Variants in SCIN observed in about 807,000 individuals in gnomAD.
SCIN encodes the protein scinderin, also known as adseverin.
Under a neutral mutation model 91.8 loss-of-function variants are expected in SCIN, and 91 were observed. That is an observed-to-expected ratio of 0.99 (90% CI 0.84 to 1.18). The LOEUF is 1.18. Among genes scored for constraint, SCIN ranks in the 50% most tolerant of loss-of-function variants. The pLI is 0.00. For synonymous variants in SCIN, 367 were observed against 312.6 expected (o/e 1.17, Z -1.84); for missense variants, 1,087 against 863.9 (o/e 1.26, Z -3.24).
In SCIN at chr7:12,652,895, G is replaced by T; in HGVS notation, c.*180G>T. 3.1e-6 allele frequency: 2 copies of T among 652,378 alleles called. No individual in the cohort carries two copies. Among genetic ancestry groups the T allele is most frequent in the Non-Finnish European group, 2.5e-6 (1 of 407,966 alleles). 40.4% of individuals were successfully genotyped at this position (652,378 alleles called of 1,614,324 possible). A position where few individuals can be genotyped will look rare whatever the true frequency, so the allele number is the denominator to read the frequency against. On this transcript the variant is annotated 3_prime_UTR_variant, in exon 16 of 16. Coordinates refer to ENST00000297029, the MANE Select transcript of SCIN (RefSeq NM_001112706.3). Reference sequence around the variant, plus strand: ...GAGGTAGGCGGATCACTGGGGTCAGGATTTCGAGACCAGCCTGGCCAACAT... The same window carrying T: ...GAGGTAGGCGGATCACTGGGGTCAGTATTTCGAGACCAGCCTGGCCAACAT...
rs1270496078 is a variant in SCIN, at chr7:12,626,707, A to C, written c.1105A>C (p.Lys369Gln). 8 of 1,600,256 alleles carry C rather than the reference A, an allele frequency of 5.0e-6. No individual in the cohort carries two copies. In the South Asian group the frequency reaches 9.1e-5, roughly 18 times the overall value. Residue 369 changes from lysine (K) to glutamine (Q), a missense_variant, in exon 8 of 16, where the codon AAA (lysine) becomes CAA (glutamine). Lys to Gln is a moderately conservative substitution (Grantham distance 53). Transcript: ENST00000297029. ...VYVTEKVAQI[K>Q]QIPFDASKLH... is the part of the protein sequence containing the mutation. ...TGTCACAGAGAAAGTGGCTCAAATA[A>C]AACAAATTCCCTTTGATGCCTCAAA...
At position 12,590,318 on chromosome 7, in the gene SCIN, C is replaced by G. The variant is rs1281095537; in HGVS notation, c.516+9097C>G. On this transcript the variant is annotated intron_variant, in intron 3 of 15. Coordinates refer to ENST00000297029, the MANE Select transcript of SCIN (RefSeq NM_001112706.3). ...TTGCCAGTCCTCCCCTGGGAGTGTT[C>G]CTCTGAGGGGATGTGTAGGGATGGA... Among the ~76,000 whole-genome samples the G allele has an allele frequency of 2.0e-5, 3 of 152,060 alleles. No individual in the cohort carries two copies. In the East Asian group the frequency reaches 5.8e-4, roughly 29 times the overall value.
rs1270880860 is a variant in SCIN, at chr7:12,655,870, C to T, written c.*3155C>T. The T allele has an allele frequency of 5.3e-5, 8 of 152,048 alleles. No individual in the cohort carries two copies. Among genetic ancestry groups the T allele is most frequent in the African/African-American group, 1.9e-4 (8 of 41,428 alleles). The allele number at this position is 152,048 out of a possible 1,614,324, so 9.4% of individuals were successfully genotyped here. A position where few individuals can be genotyped will look rare whatever the true frequency, so the allele number is the denominator to read the frequency against. The stretch of plus-strand genomic sequence containing the variant: ...TTGGCATATTTATCTAATATTTAAT[C>T]AGAAGAAAGAAAGAACAGAAAGACC... On this transcript the variant is annotated 3_prime_UTR_variant, in exon 16 of 16. Coordinates refer to ENST00000297029, the MANE Select transcript of SCIN (RefSeq NM_001112706.3).
chr7:12,592,139 A>G (rs1782736915), intron 3 of SCIN, among the ~76,000 whole-genome samples: 1 of 152,120 alleles, frequency 6.6e-6, no homozygotes, highest in South Asian at 2.1e-4. Flanking sequence ...GGTGAAAGCA[A>G]ATAGGTTTTG....
chr7:12,578,334 T>C, intron 2 of SCIN, 116 bp downstream of exon 2: 1 of 947,700 alleles, frequency 1.1e-6, no homozygotes, highest in African/African-American at 1.7e-5. Flanking sequence ...TTATTTGCTT[T>C]TGTTTTAATC....
chr7:12,636,270 C>A, intron 10 of SCIN, 135 bp downstream of exon 10: 1 of 627,650 alleles, frequency 1.6e-6, no homozygotes, highest in Non-Finnish European at 2.8e-6. Context: ...TTTTGAAATT[C>A]AAATATTCCT....
intron 9 of SCIN, among the ~76,000 whole-genome samples, 160 bp from the exon 10 acceptor site, chr7:12,635,885 A>G (rs1783740957): frequency 6.6e-6 from 1 of 152,216 alleles, no homozygotes; most frequent in Non-Finnish European, 1.5e-5. Context: ...ATTAAATGTT[A>G]GATACCTTGA....
At chr7:12,613,104 G>A (rs1238636400) in intron 4 of SCIN, among the ~76,000 whole-genome samples, 1 of 152,086 alleles carries the variant, frequency 6.6e-6, no homozygotes, top group African/African-American at 2.4e-5. Flanking sequence ...CCCACAAGAC[G>A]TATATCTGAA....
rs1459133754 is a variant in SCIN at position 12,652,714 on chromosome 7, A to G, written c.2147A>G (p.Ter716=). The G allele has an allele frequency of 6.2e-7, 1 of 1,602,478 alleles. No individual in the cohort carries two copies. The highest frequency in any genetic ancestry group is 1.4e-5 in the African/African-American group (1 of 73,716). ...CTGGGCTGGGATTCCAGCAAGTGGT[A>G]AATTGGTATTTGTAAAAAGCAAACA... ...WFLGWDSSKW[*] Residue 716 remains the stop codon, a stop_retained_variant, in exon 16 of 16, where the codon TAA becomes TGA. Transcript: ENST00000297029.
intron 10 of SCIN, among the ~76,000 whole-genome samples, chr7:12,639,043 C>G (rs1783806891): frequency 6.6e-6 from 1 of 152,134 alleles, no homozygotes; most frequent in Admixed American, 6.6e-5. Context: ...TTAGTTTAAT[C>G]ACTAGATGGC....
chr7:12,573,996 A>G (rs1782320227), intron 1 of SCIN, among the ~76,000 whole-genome samples: 1 of 152,184 alleles, frequency 6.6e-6, no homozygotes, highest in Admixed American at 6.5e-5. Flanking sequence ...GTAGTTTCTT[A>G]CAAAACCAAA....
At chr7:12,648,845 G>C (rs904395741) in intron 13 of SCIN, among the ~76,000 whole-genome samples, 2 of 152,108 alleles carry the variant, frequency 1.3e-5, no homozygotes, top group Non-Finnish European at 2.9e-5. Context: ...CAAGGCTTGA[G>C]GATAGCCACC....
chr7:12,655,963 CTCAG>C lies in SCIN; in HGVS notation c.*3252_*3255del, dbSNP rs1784156592. 6.6e-6 allele frequency: 1 copy of C among 152,180 alleles called. No homozygotes were observed. Among genetic ancestry groups the C allele is most frequent in the Non-Finnish European group, 1.5e-5 (1 of 68,044 alleles). The allele number at this position is 152,180 out of a possible 1,614,324, so 9.4% of individuals were successfully genotyped here. On this transcript the variant is annotated 3_prime_UTR_variant, in exon 16 of 16. Coordinates refer to ENST00000297029, the MANE Select transcript of SCIN (RefSeq NM_001112706.3). ...TCTGATTCAAGAAATTCATACTCAA[CTCAG>C]TCAAACAGAGGTCCTGCATTTACCT...
chr7:12,646,451 T>G (rs1180214729), intron 13 of SCIN, among the ~76,000 whole-genome samples: 1 of 152,122 alleles, frequency 6.6e-6, no homozygotes. Context: ...CTGAACCTAA[T>G]TACCTCCCAA....
intron 8 of SCIN, among the ~76,000 whole-genome samples, chr7:12,628,030 CGCGT>C (rs781343097): frequency 1.2e-3 from 94 of 81,144 alleles, no homozygotes; most frequent in East Asian, 5.8e-3. Flanking sequence ...CAAGTGTGCG[CGCGT>C]GTGTGTGTGT....
chr7:12,619,477 A>G lies in SCIN; in HGVS notation c.667-3324A>G, dbSNP rs567911952. On this transcript the variant is annotated intron_variant, in intron 4 of 15. Transcript: ENST00000297029. ...TGTTTCTTGGCTGCCTGATCCTTTT[A>G]TCTGAAAATACAAATTTCCACATAA... 3.3e-5 allele frequency among the ~76,000 whole-genome samples: 5 copies of G among 152,312 alleles called. No individual in the cohort carries two copies. The East Asian group carries it at 9.6e-4, about 29-fold the overall frequency.
At chr7:12,578,855 G>T (rs1406122921) in intron 2 of SCIN, among the ~76,000 whole-genome samples, 2 of 142,904 alleles carry the variant, frequency 1.4e-5, no homozygotes, top group East Asian at 4.1e-4. Context: ...AAATAAACAA[G>T]AACAAATAGT....
At position 12,644,615 on chromosome 7, in the gene SCIN, A is replaced by AC. The variant is rs747505079; in HGVS notation, c.1791_1792insC (p.Asp598ArgfsTer13). On this transcript the variant is annotated frameshift_variant, in exon 13 of 16. Transcript: ENST00000297029. LOFTEE classifies it high-confidence loss of function. ...TCTGGAATTCCCTTGGAGGGAAAAA[A>AC]GACTACCAGACCTCACCACTACTGG... The AC allele has an allele frequency of 6.2e-7, 1 of 1,608,778 alleles. No homozygotes were observed. Among genetic ancestry groups the AC allele is most frequent in the Non-Finnish European group, 8.5e-7 (1 of 1,177,562 alleles).
chr7:12,632,822 G>A (rs112656052), intron 9 of SCIN, among the ~76,000 whole-genome samples: 49 of 152,344 alleles, frequency 3.2e-4, no homozygotes, highest in African/African-American at 1.1e-3. Flanking sequence ...TCTTTGGAAT[G>A]CGGCTGGAGG....
Sources: gnomAD v4.1 joint callset for allele counts (sites outside exome capture counted in the v4.1 genomes callset) on GRCh38, gnomAD v4.1.1 for gene constraint, MANE v1.5 for transcripts, NCBI Gene and HGNC (gene_info 2026-07-23, HGNC 2026-07-21) for gene names.